The following EPB41L3 variants were observed in gnomAD, a reference collection of about 807,000 sequenced individuals.
The protein encoded by EPB41L3 is band 4.1-like protein 3.
EPB41L3 carries 57 observed loss-of-function variants against 127.1 expected under a neutral mutation model. The observed-to-expected ratio is 0.45, with a 90% CI of 0.36 to 0.56. The LOEUF is 0.56. EPB41L3 is among the 20% of genes least tolerant of loss of function. The probability of loss-of-function intolerance (pLI) is 0.00; values close to 1 mark genes in which losing one functional copy is unlikely to be tolerated. For missense variants in EPB41L3, 1,273 were observed against 1,372.2 expected, an observed-to-expected ratio of 0.93 and a Z score of 1.14; for synonymous variants, 572 against 549.5, an observed-to-expected ratio of 1.04 and a Z score of -0.57.
intron 22 of EPB41L3, 197 bp from the exon 23 acceptor site, chr18:5,393,675 TG>T: frequency 2.2e-6 from 1 of 454,246 alleles, no homozygotes; most frequent in Non-Finnish European, 3.9e-6. Context: ...CTGAAGCTCA[TG>T]GAAGAAATCT....
In EPB41L3 at chr18:5,623,911, C is replaced by T. The variant is rs146109584; in HGVS notation, c.-468+5011G>A. On this transcript the variant is annotated intron_variant, in intron 1 of 21. Transcript: ENST00000545076. ...GCCTCTAGTGATTCACCCATCTCAG[C>T]CTCCCAAAGCGCTGGGATTATAGGC... Among the ~76,000 whole-genome samples the T allele has an allele frequency of 2.7e-3, 414 of 152,206 alleles. 1 individual carries two copies. Among genetic ancestry groups the T allele is most frequent in the African/African-American group, 9.6e-3 (398 of 41,532 alleles).
chr18:5,401,067 T>C, intron 16 of EPB41L3: 3 of 1,486,536 alleles, frequency 2.0e-6, no homozygotes, highest in Non-Finnish European at 2.7e-6. Flanking sequence ...GGGGGTTGGG[T>C]TGGAGAAGAG....
At chr18:5,585,496 G>T (rs982450616) in intron 3 of EPB41L3, among the ~76,000 whole-genome samples, 1 of 151,996 alleles carries the variant, frequency 6.6e-6, no homozygotes, top group Non-Finnish European at 1.5e-5. Context: ...TAGAGACGGG[G>T]TTTTGCCATG....
At chr18:5,420,756 T>G (rs950583555) in intron 11 of EPB41L3, among the ~76,000 whole-genome samples, 13 of 152,194 alleles carry the variant, frequency 8.5e-5, no homozygotes, top group Non-Finnish European at 1.5e-4. Context: ...GATATAAAAT[T>G]TATTAAAACT....
At chr18:5,489,309 A>ACCAAACC (rs1167167316) in intron 1 of EPB41L3, 115 bp from the exon 2 acceptor site, 74 of 1,222,326 alleles carry the variant, frequency 6.1e-5, no homozygotes, top group Non-Finnish European at 8.1e-5. Context: ...GGGAGATGCT[A>ACCAAACC]CCAAACCCCA....
chr18:5,559,067 T>G (rs568194893), intron 3 of EPB41L3, among the ~76,000 whole-genome samples: 5 of 152,104 alleles, frequency 3.3e-5, no homozygotes, highest in African/African-American at 7.2e-5. Flanking sequence ...AAAGAATAAT[T>G]TGGCATGTGC....
At chr18:5,580,569 C>G (rs968397383) in intron 3 of EPB41L3, among the ~76,000 whole-genome samples, 1 of 152,058 alleles carries the variant, frequency 6.6e-6, no homozygotes, top group Non-Finnish European at 1.5e-5. Flanking sequence ...TATATGCACA[C>G]GCACATATAC....
At position 5,478,378 on chromosome 18, in the gene EPB41L3, A is replaced by C; in HGVS notation, c.244T>G (p.Leu82Val). 4 of 1,614,148 alleles carry C rather than the reference A, an allele frequency of 2.5e-6. No homozygotes were observed. The highest frequency in any genetic ancestry group is 3.4e-6 in the Non-Finnish European group (4 of 1,180,012). ...RAAKQLEYQQ[L>V]EDDKLSQKSS... ...TTCTGAGAAAGTTTATCGTCTTCTA[A>C]TTGCTGATATTCGAGCTGTTTTGCA... is the stretch of plus-strand genomic sequence containing the variant. Residue 82 changes from leucine to valine, a missense_variant, in exon 3 of 23, where the codon TTA (leucine) becomes GTA (valine). By Grantham distance (32) the Leu-to-Val change is conservative. Transcript: ENST00000341928.
chr18:5,471,839 G>T (rs77011912), intron 3 of EPB41L3, among the ~76,000 whole-genome samples: 62 of 152,246 alleles, frequency 4.1e-4, no homozygotes, highest in African/African-American at 1.5e-3. Flanking sequence ...TAACATTTGG[G>T]AAATGAATCC....
At chr18:5,393,519 A>G (rs1567947224) in intron 22 of EPB41L3, 41 bp from the exon 23 acceptor site, 2 of 700,392 alleles carry the variant, frequency 2.9e-6, no homozygotes, top group Non-Finnish European at 5.2e-6. Context: ...TTTGAAAACA[A>G]CTGAAAGATT....
chr18:5,447,114 C>A (rs2081581371), intron 3 of EPB41L3, among the ~76,000 whole-genome samples: 1 of 152,138 alleles, frequency 6.6e-6, no homozygotes, highest in Non-Finnish European at 1.5e-5. Flanking sequence ...ATCAAGTAAA[C>A]CTGTGCTTGA....
chr18:5,553,990 T>C (rs1014138448), intron 3 of EPB41L3, among the ~76,000 whole-genome samples: 1 of 152,196 alleles, frequency 6.6e-6, no homozygotes, highest in Non-Finnish European at 1.5e-5. Context: ...CACAACCAGG[T>C]GCACTCTCAC....
intron 5 of EPB41L3, among the ~76,000 whole-genome samples, chr18:5,442,755 G>A (rs1016679988): frequency 3.3e-5 from 5 of 152,154 alleles, no homozygotes; most frequent in Non-Finnish European, 7.4e-5. Context: ...TGCGGCAAAA[G>A]TAAGAGCTAT....
At chr18:5,461,374 G>C (rs1479116491) in intron 3 of EPB41L3, among the ~76,000 whole-genome samples, 1 of 152,138 alleles carries the variant, frequency 6.6e-6, no homozygotes, top group African/African-American at 2.4e-5. Context: ...ATGTCTATAA[G>C]CAGCAGCAGG....
intron 3 of EPB41L3, among the ~76,000 whole-genome samples, chr18:5,456,238 T>C (rs1352164079): frequency 6.6e-6 from 1 of 152,208 alleles, no homozygotes; most frequent in Non-Finnish European, 1.5e-5. Context: ...AATATTGTCA[T>C]TGCTTTAAAA....
chr18:5,393,740 G>T, intron 22 of EPB41L3: 1 of 361,100 alleles, frequency 2.8e-6, no homozygotes, highest in South Asian at 7.7e-5. Context: ...AGTAAAATGA[G>T]TATTTTTTAT....
chr18:5,592,780 T>G (rs1719939), intron 3 of EPB41L3, among the ~76,000 whole-genome samples: 1 of 152,086 alleles, frequency 6.6e-6, no homozygotes, highest in East Asian at 1.9e-4. Context: ...TGTTACCAAC[T>G]GCAACTGTGC....
chr18:5,407,720 T>C lies in EPB41L3; in HGVS notation c.2138A>G (p.Asp713Gly), dbSNP rs1200138443. 1 of 1,614,094 alleles carries C rather than the reference T, an allele frequency of 6.2e-7. No homozygotes were observed. Among genetic ancestry groups the C allele is most frequent in the Non-Finnish European group, 8.5e-7 (1 of 1,180,002 alleles). The stretch of plus-strand genomic sequence containing the variant: ...TTCTACCTGTGCCTTGAGCTCTGCA[T>C]CTTCCTCCTGGTCCGACTGCCAGCA... The part of the protein sequence containing the change: ...TTATESDQEE[D>G]AELKAQELEK... The change falls in exon 15 of 23, where the codon GAT (aspartate) becomes GGT (glycine). Residue 713 changes from aspartate to glycine, a missense_variant. Asp to Gly is a moderately conservative substitution (Grantham distance 94). This residue lies in a region of EPB41L3 where 765 missense variants were observed against 782.9 expected (regional missense o/e 0.98). Coordinates refer to ENST00000341928, the MANE Select transcript of EPB41L3 (RefSeq NM_012307.5).
At position 5,392,461 on chromosome 18, in the gene EPB41L3, G is replaced by A. The variant is rs1482151878; in HGVS notation, c.*1024C>T. On this transcript the variant is annotated 3_prime_UTR_variant, in exon 23 of 23. Transcript: ENST00000341928. ...CATGGGCTGTGATGCAGGTGATCGTGTAATGGAGAATCTCTCTTTTTGAAG... is the reference window on the plus strand; with the variant it reads ...CATGGGCTGTGATGCAGGTGATCGTATAATGGAGAATCTCTCTTTTTGAAG... The A allele has an allele frequency of 1.3e-5, 2 of 152,610 alleles. No homozygotes were observed. The highest frequency in any genetic ancestry group is 2.4e-5 in the African/African-American group (1 of 41,442). 9.5% of individuals were successfully genotyped at this position (152,610 alleles called of 1,614,324 possible). A position where few individuals can be genotyped will look rare whatever the true frequency, so the allele number is the denominator to read the frequency against.
Sources: gnomAD v4.1 joint callset for allele counts (sites outside exome capture counted in the v4.1 genomes callset) on GRCh38, gnomAD v4.1.1 for gene constraint, gnomAD v4.1.1 regional missense constraint, MANE v1.5 for transcripts, NCBI Gene and HGNC (gene_info 2026-07-23, HGNC 2026-07-21) for gene names.